The following GRIK5 variants were observed in gnomAD, a reference collection of about 807,000 sequenced individuals.
The protein encoded by GRIK5 is glutamate receptor ionotropic, kainate 5.
Under a neutral mutation model 97.4 loss-of-function variants are expected in GRIK5, and 43 were observed. The ratio of observed to expected loss-of-function variants is 0.44; its 90% CI spans 0.35 to 0.57. The LOEUF is 0.57. GRIK5 is among the 20% of genes least tolerant of loss of function. The probability of loss-of-function intolerance (pLI) is 0.01; values close to 1 mark genes in which losing one functional copy is unlikely to be tolerated. For synonymous variants in GRIK5, 580 were observed against 583.5 expected, an observed-to-expected ratio of 0.99 and a Z score of 0.09; for missense variants, 1,015 against 1,382.0, an observed-to-expected ratio of 0.73 and a Z score of 4.21.
Position 42,065,241 on chromosome 19 carries a change from A to C in GRIK5, c.226T>G (p.Tyr76Asp). The C allele has an allele frequency of 6.2e-7, 1 of 1,612,406 alleles. No homozygotes were observed. The highest frequency in any genetic ancestry group is 8.5e-7 in the Non-Finnish European group (1 of 1,179,306). Residue 76 changes from tyrosine to aspartate, a missense_variant, in exon 3 of 20, where the codon TAC becomes GAC. Tyr to Asp is a radical substitution (Grantham distance 160). Around this residue, in one of 5 missense-constraint regions of GRIK5, gnomAD observed 198 missense variants for 218.2 expected, o/e 0.91. Coordinates refer to ENST00000593562, the MANE Select transcript of GRIK5 (RefSeq NM_002088.5). This position sits in a 1 kb window ranked among gnomAD's most constrained non-coding sequence, Gnocchi z 5.8. ...CGCTCACTGGTGTCCGTGGTCTCGT[A>C]CTGGCTGTCCCGCTGCAGCTCAAAG... ...DIFELQRDSQ[Y>D]ETTDTMCQIL...
Position 41,999,527 on chromosome 19 carries a change from C to G in GRIK5, c.2515-228G>C, listed in dbSNP as rs2075408139. On this transcript the variant is annotated intron_variant, in intron 19 of 19. Coordinates refer to ENST00000593562, the MANE Select transcript of GRIK5 (RefSeq NM_002088.5). This position sits in a 1 kb window ranked among gnomAD's most constrained non-coding sequence, Gnocchi z 5.0. The stretch of plus-strand genomic sequence containing the variant: ...GTCTCCATTCTACTCTGCGTTTGTT[C>G]CTGAATCTGCCCTTCACCTTCCACC... 6.6e-6 allele frequency among the ~76,000 whole-genome samples: 1 copy of G among 152,188 alleles called. No homozygotes were observed.
In GRIK5 at chr19:42,006,947, C is replaced by T. The variant is rs948825580; in HGVS notation, c.1872-137G>A. 1.5e-5 allele frequency: 9 copies of T among 613,086 alleles called. No individual in the cohort carries two copies. Among genetic ancestry groups the T allele is most frequent in the Admixed American group, 3.1e-5 (1 of 32,226 alleles). 38.0% of individuals were successfully genotyped at this position (613,086 alleles called of 1,614,324 possible). A position where few individuals can be genotyped will look rare whatever the true frequency, so the allele number is the denominator to read the frequency against. ...ACTCAGTGACTGCTGGGTGCAGAAGCGGGGAGTGTGGATTCTGAAGCCAGA... is the reference window on the plus strand; with the variant it reads ...ACTCAGTGACTGCTGGGTGCAGAAGTGGGGAGTGTGGATTCTGAAGCCAGA... On this transcript the variant is annotated intron_variant, in intron 15 of 19. Transcript: ENST00000593562. This position sits in a 1 kb window ranked among gnomAD's most constrained non-coding sequence, Gnocchi z 5.3.
Position 42,052,441 on chromosome 19 carries a change from C to T in GRIK5, c.1269+1161G>A, listed in dbSNP as rs553151101. ...GGTTTCCCGTCTGCAGGCCATCTGT[C>T]CCTCCACAACAGGATCACTGGCCCT... On this transcript the variant is annotated intron_variant, in intron 11 of 19. Transcript: ENST00000593562. Among the ~76,000 whole-genome samples the T allele has an allele frequency of 1.6e-3, 243 of 152,288 alleles. 2 individuals are homozygous for T. The Middle Eastern group carries it at 0.017, about 11-fold the overall frequency.
At chr19:42,055,122 C>T (rs1568924929) in intron 8 of GRIK5, among the ~76,000 whole-genome samples, 1 of 152,228 alleles carries the variant, frequency 6.6e-6, no homozygotes, top group Non-Finnish European at 1.5e-5. Context: ...CTGTAAAGCA[C>T]TCAGAACAGT....
At chr19:42,045,194 A>G (rs1000315578) in intron 11 of GRIK5, among the ~76,000 whole-genome samples, 1 of 152,178 alleles carries the variant, frequency 6.6e-6, no homozygotes, top group Non-Finnish European at 1.5e-5. Context: ...CTAGCAACAG[A>G]TGGGGTCCAT....
rs934029062 is a variant in GRIK5, at chr19:41,999,701, T to G, written c.2515-402A>C. Among the ~76,000 whole-genome samples the G allele has an allele frequency of 2.6e-5, 4 of 152,236 alleles. No individual in the cohort carries two copies. Among genetic ancestry groups the G allele is most frequent in the Admixed American group, 1.3e-4 (2 of 15,282 alleles). On this transcript the variant is annotated intron_variant, in intron 19 of 19. Transcript: ENST00000593562. The surrounding 1 kb of genome is among the most constrained non-coding windows in gnomAD (Gnocchi z 5.0). ...GCCTGCTGTGTGCCCGGCACTGTTCTGAGCACTGGGGATATGGCAGAGAAG... is the reference window on the plus strand; with the variant it reads ...GCCTGCTGTGTGCCCGGCACTGTTCGGAGCACTGGGGATATGGCAGAGAAG...
intron 12 of GRIK5, among the ~76,000 whole-genome samples, chr19:42,024,214 CTTT>C (rs1186656185): frequency 5.7e-5 from 8 of 141,132 alleles, no homozygotes; most frequent in South Asian, 2.3e-4. Context: ...CCCATTGGCC[CTTT>C]TTTTTTTTTT....
At position 42,021,431 on chromosome 19, in the gene GRIK5, C is replaced by T. The variant is rs757376397; in HGVS notation, c.1741G>A (p.Ala581Thr). 2 of 1,606,276 alleles carry T rather than the reference C, an allele frequency of 1.2e-6. No individual in the cohort carries two copies. Among genetic ancestry groups the T allele is most frequent in the South Asian group, 2.2e-5 (2 of 89,884 alleles). Residue 581 changes from alanine (A) to threonine (T), a missense_variant, in exon 15 of 20, where the codon GCA becomes ACA. Coordinates refer to ENST00000593562, the MANE Select transcript of GRIK5 (RefSeq NM_002088.5). The surrounding 1 kb of genome is among the most constrained non-coding windows in gnomAD (Gnocchi z 4.2). ...TGGTTCTCCAGGATGTGGGGGCGTG[C>T]CCGCAGGCATGGGTGTGGGTTATAC... ...EWYNPHPCLR[A>T]RPHILENQYT...
chr19:42,022,216 C>T lies in GRIK5; in HGVS notation c.1587+25G>A. 6.4e-7 allele frequency: 1 copy of T among 1,555,662 alleles called. No homozygotes were observed. Among genetic ancestry groups the T allele is most frequent in the Non-Finnish European group, 8.9e-7 (1 of 1,126,896 alleles). ...CTGAGCCTCCATGCCAGGCAAGCAG[C>T]CCATGGTCTCCAGGGGAACCATACC... On this transcript the variant is annotated intron_variant, in intron 13 of 19. Coordinates refer to ENST00000593562, the MANE Select transcript of GRIK5 (RefSeq NM_002088.5). This position sits in a 1 kb window ranked among gnomAD's most constrained non-coding sequence, Gnocchi z 4.2.
At position 42,069,373 on chromosome 19, in the gene GRIK5, G is replaced by A. The variant is rs374183729; in HGVS notation, c.-183C>T. Reference sequence around the variant, plus strand: ...CCACAGGGCCCCCTCCCCCGCCGCCGGTGGTGGCTCCCAACTAATCCAAAA... The same window carrying A: ...CCACAGGGCCCCCTCCCCCGCCGCCAGTGGTGGCTCCCAACTAATCCAAAA... On this transcript the variant is annotated 5_prime_UTR_variant, in exon 1 of 20. Transcript: ENST00000593562. 164 of 155,324 alleles carry A rather than the reference G, an allele frequency of 1.1e-3. No homozygotes were observed. The highest frequency in any genetic ancestry group is 3.9e-3 in the African/African-American group (160 of 41,512). The allele number at this position is 155,324 out of a possible 1,614,324, so 9.6% of individuals were successfully genotyped here.
chr19:42,060,250 A>G (rs967653444), intron 5 of GRIK5, among the ~76,000 whole-genome samples: 2 of 152,118 alleles, frequency 1.3e-5, no homozygotes, highest in African/African-American at 4.8e-5. Flanking sequence ...TTTAAAAAAA[A>G]AAAAAAGGTA....
At chr19:42,005,664 T>C in intron 17 of GRIK5, 59 bp downstream of exon 17, 1 of 1,244,366 alleles carries the variant, frequency 8.0e-7, no homozygotes, top group Admixed American at 1.9e-5. Flanking sequence ...CTGGGCCTGC[T>C]CACAGGTGGT....
Position 42,002,741 on chromosome 19 carries a change from T to G in GRIK5, c.2514+591A>C, listed in dbSNP as rs1222368080. Among the ~76,000 whole-genome samples the G allele has an allele frequency of 2.6e-5, 4 of 152,072 alleles. No homozygotes were observed. Among genetic ancestry groups the G allele is most frequent in the Non-Finnish European group, 5.9e-5 (4 of 67,986 alleles). On this transcript the variant is annotated intron_variant, in intron 19 of 19. Transcript: ENST00000593562. The surrounding 1 kb of genome is among the most constrained non-coding windows in gnomAD (Gnocchi z 5.2). ...CCTCCTGAACACAGTGTGGGACCAGTCCAGGGCTGTGTCCTCTTCTGGTTC... is the reference window on the plus strand; with the variant it reads ...CCTCCTGAACACAGTGTGGGACCAGGCCAGGGCTGTGTCCTCTTCTGGTTC...
At position 42,006,532 on chromosome 19, in the gene GRIK5, C is replaced by A; in HGVS notation, c.2037+113G>T. 1.1e-6 allele frequency: 1 copy of A among 894,144 alleles called. No individual in the cohort carries two copies. The highest frequency in any genetic ancestry group is 1.8e-6 in the Non-Finnish European group (1 of 570,904). The allele number at this position is 894,144 out of a possible 1,614,324, so 55.4% of individuals were successfully genotyped here. A position where few individuals can be genotyped will look rare whatever the true frequency, so the allele number is the denominator to read the frequency against. On this transcript the variant is annotated intron_variant, in intron 16 of 19. Coordinates refer to ENST00000593562, the MANE Select transcript of GRIK5 (RefSeq NM_002088.5). The surrounding 1 kb of genome is among the most constrained non-coding windows in gnomAD (Gnocchi z 5.3). ...TGTTTTCTGCTCCCCAGCCTCCAGG[C>A]TGTCACTGACAATCAGTCCCTCTGA...
At chr19:42,031,636 G>A (rs1377089548) in intron 12 of GRIK5, among the ~76,000 whole-genome samples, 2 of 152,162 alleles carry the variant, frequency 1.3e-5, no homozygotes, top group South Asian at 2.1e-4. Context: ...ATGACAGGGA[G>A]TTGTCTAAGT....
At chr19:42,049,452 A>G (rs928690278) in intron 11 of GRIK5, among the ~76,000 whole-genome samples, 1 of 152,168 alleles carries the variant, frequency 6.6e-6, no homozygotes, top group African/African-American at 2.4e-5. Context: ...TTCAACATAC[A>G]ACAATGAGAC....
At chr19:42,016,152 G>A (rs2075620799) in intron 15 of GRIK5, among the ~76,000 whole-genome samples, 1 of 152,208 alleles carries the variant, frequency 6.6e-6, no homozygotes, top group Non-Finnish European at 1.5e-5. Context: ...CAGGCACAGT[G>A]GCTCACGCCT....
intron 15 of GRIK5, among the ~76,000 whole-genome samples, chr19:42,019,328 T>A (rs979634494): frequency 6.6e-6 from 1 of 152,178 alleles, no homozygotes; most frequent in Non-Finnish European, 1.5e-5. Context: ...CCTTTAGGAC[T>A]CAACCCAGTT....
At chr19:42,027,957 G>A (rs1167144160) in intron 12 of GRIK5, among the ~76,000 whole-genome samples, 1 of 152,116 alleles carries the variant, frequency 6.6e-6, no homozygotes, top group East Asian at 1.9e-4. Context: ...TCAACCTCCT[G>A]AGTAGCTGGG....
Sources: gnomAD v4.1 joint callset for allele counts (sites outside exome capture counted in the v4.1 genomes callset) on GRCh38, gnomAD v4.1.1 for gene constraint, gnomAD v4.1.1 regional missense constraint, Gnocchi (gnomAD v3.1) non-coding constraint, MANE v1.5 for transcripts, NCBI Gene and HGNC (gene_info 2026-07-23, HGNC 2026-07-21) for gene names.